Variants in HPSE2 observed in about 807,000 individuals in gnomAD.
HPSE2 encodes the protein inactive heparanase-2.
In HPSE2, 38 loss-of-function variants were observed where a neutral mutation model predicts 60.5. The ratio of observed to expected loss-of-function variants is 0.63; its 90% CI spans 0.48 to 0.82. The LOEUF is 0.82. Among genes scored for constraint, HPSE2 ranks in the 40% least tolerant of loss-of-function variants. The pLI is 0.00. For missense variants in HPSE2, 713 were observed against 740.4 expected, an observed-to-expected ratio of 0.96 and a Z score of 0.43; for synonymous variants, 295 against 293.2, an observed-to-expected ratio of 1.01 and a Z score of -0.06.
chr10:98,525,251 T>C (rs1472542313), intron 9 of HPSE2, among the ~76,000 whole-genome samples: 2 of 152,194 alleles, frequency 1.3e-5, no homozygotes, highest in African/African-American at 4.8e-5. Context: ...CCTCAGGAAA[T>C]CTGCCCGCCT....
At chr10:98,533,425 C>T (rs665142) in intron 9 of HPSE2, among the ~76,000 whole-genome samples, 131,012 of 152,242 alleles carry the variant, frequency 0.86, 57,348 homozygotes, top group East Asian at 1. Context: ...TGTTTCGTAA[C>T]GTTAATCACA....
chr10:98,862,813 G>A (rs886309726), intron 3 of HPSE2, among the ~76,000 whole-genome samples: 1 of 152,132 alleles, frequency 6.6e-6, no homozygotes. Flanking sequence ...CCCAGGCTGG[G>A]GGACATGGTG....
chr10:98,927,167 TTTCTGTCTCGTTG>T (rs368830208), intron 3 of HPSE2, among the ~76,000 whole-genome samples: 2,249 of 152,228 alleles, frequency 0.015, 56 homozygotes, highest in African/African-American at 0.051. Context: ...CCTTGTTGAC[TTTCTGTCTCGTTG>T]ATCTGTCTAA....
At chr10:98,939,751 C>T (rs1954931621) in intron 3 of HPSE2, among the ~76,000 whole-genome samples, 2 of 144,154 alleles carry the variant, frequency 1.4e-5, no homozygotes, top group Non-Finnish European at 3.0e-5. Flanking sequence ...ATCCACAGAA[C>T]TCTCCAACAC....
At chr10:98,792,339 GA>G (rs891721170) in intron 3 of HPSE2, among the ~76,000 whole-genome samples, 25 of 152,206 alleles carry the variant, frequency 1.6e-4, no homozygotes, top group African/African-American at 5.5e-4. Context: ...AAGAAAGAGT[GA>G]AAGGAAGACA....
intron 3 of HPSE2, among the ~76,000 whole-genome samples, chr10:98,923,402 A>G (rs1189321348): frequency 6.6e-6 from 1 of 152,140 alleles, no homozygotes; most frequent in Non-Finnish European, 1.5e-5. Context: ...CTGGTGTTCT[A>G]TAACTTCTTC....
At chr10:98,696,343 C>T (rs182832427) in intron 5 of HPSE2, among the ~76,000 whole-genome samples, 2 of 147,982 alleles carry the variant, frequency 1.4e-5, no homozygotes, top group Non-Finnish European at 1.5e-5. Flanking sequence ...CAATCCTGCA[C>T]CAACAACCAA....
At chr10:98,539,350 C>T (rs376893951) in intron 9 of HPSE2, among the ~76,000 whole-genome samples, 3 of 152,006 alleles carry the variant, frequency 2.0e-5, no homozygotes, top group Non-Finnish European at 4.4e-5. Context: ...GGAGAAACCC[C>T]GTATCTACTA....
At chr10:98,654,380 G>C (rs1947002351) in intron 6 of HPSE2, among the ~76,000 whole-genome samples, 2 of 151,966 alleles carry the variant, frequency 1.3e-5, no homozygotes, top group Admixed American at 1.3e-4. Flanking sequence ...TACACATTTT[G>C]AAATTGTCGC....
At chr10:98,482,430 C>A (rs1941272277) in intron 11 of HPSE2, among the ~76,000 whole-genome samples, 1 of 152,168 alleles carries the variant, frequency 6.6e-6, no homozygotes, top group Non-Finnish European at 1.5e-5. Context: ...CACCATTTGA[C>A]TTTACAACTG....
chr10:99,279,848 C>A, the HPSE2 span, among the ~76,000 whole-genome samples: 346 of 152,322 alleles, frequency 2.3e-3, 2 homozygotes, highest in Non-Finnish European at 4.0e-3. Context: ...AGGGACTACA[C>A]TGAGTAAATA....
intron 9 of HPSE2, among the ~76,000 whole-genome samples, chr10:98,492,382 G>A (rs1394763999): frequency 3.3e-5 from 5 of 151,936 alleles, no homozygotes; most frequent in East Asian, 3.9e-4. Context: ...GGCGCCTGTA[G>A]TCCCAGCTAC....
rs1591260428 is a variant in HPSE2, at chr10:98,490,057, T to C, written c.1460A>G (p.His487Arg). 2 of 1,614,172 alleles carry C rather than the reference T, an allele frequency of 1.2e-6. No homozygotes were observed. Among genetic ancestry groups the C allele is most frequent in the Non-Finnish European group, 8.5e-7 (1 of 1,180,012 alleles). ...KLRIYAHCTN[H>R]HNHNYVRGSI... ...CATCTTTCTGAGGACTTACTTGTGG[T>C]GGTTTGTGCAGTGAGCATAAATCCT... is the stretch of plus-strand genomic sequence containing the variant. Residue 487 changes from histidine to arginine, a missense_variant, in exon 10 of 12, where the codon CAC (histidine) becomes CGC (arginine). Physicochemically the swap from His to Arg is conservative, Grantham distance 29. Coordinates refer to ENST00000370552, the MANE Select transcript of HPSE2 (RefSeq NM_021828.5).
the HPSE2 span, among the ~76,000 whole-genome samples, chr10:99,269,668 G>C: frequency 3.3e-5 from 5 of 152,074 alleles, no homozygotes; most frequent in Admixed American, 3.3e-4. Flanking sequence ...AACAACTGCA[G>C]AATACACATT....
At position 98,604,785 on chromosome 10, in the gene HPSE2, T is replaced by C. The variant is rs555228735; in HGVS notation, c.1320+10119A>G. ...TGAAGATAGTGGTATGGAAATAACA[T>C]ATTGAAATGAATCAGAAAACTTCAG... is the stretch of plus-strand genomic sequence containing the variant. On this transcript the variant is annotated intron_variant, in intron 9 of 11. Coordinates refer to ENST00000370552, the MANE Select transcript of HPSE2 (RefSeq NM_021828.5). Among the ~76,000 whole-genome samples, 11 of 152,332 alleles carry C rather than the reference T, an allele frequency of 7.2e-5. No homozygotes were observed. The East Asian group carries it at 2.1e-3, about 29-fold the overall frequency.
At chr10:98,788,810 C>A (rs1012439393) in intron 3 of HPSE2, among the ~76,000 whole-genome samples, 2 of 150,932 alleles carry the variant, frequency 1.3e-5, no homozygotes, top group Non-Finnish European at 3.0e-5. Context: ...GGCTCGAGCA[C>A]GGTGCGCACA....
intron 6 of HPSE2, among the ~76,000 whole-genome samples, chr10:98,657,457 C>T (rs1010562179): frequency 3.3e-5 from 5 of 152,132 alleles, no homozygotes; most frequent in Admixed American, 6.5e-5. Flanking sequence ...CAACACCCCC[C>T]GCCCCAGTAG....
intron 3 of HPSE2, among the ~76,000 whole-genome samples, chr10:99,054,534 G>A (rs1958065217): frequency 6.6e-6 from 1 of 152,136 alleles, no homozygotes; most frequent in Non-Finnish European, 1.5e-5. Flanking sequence ...AGAGGGACCT[G>A]AAGAAACACC....
intron 3 of HPSE2, among the ~76,000 whole-genome samples, chr10:99,119,130 C>G (rs1254729018): frequency 9.2e-6 from 1 of 109,004 alleles, no homozygotes; most frequent in African/African-American, 2.8e-5. Flanking sequence ...GGAAGGAAGG[C>G]TGAAATAGGA....
Sources: gnomAD v4.1 joint callset for allele counts (sites outside exome capture counted in the v4.1 genomes callset) on GRCh38, gnomAD v4.1.1 for gene constraint, MANE v1.5 for transcripts, NCBI Gene and HGNC (gene_info 2026-07-23, HGNC 2026-07-21) for gene names.